The following QRICH2 variants were observed in gnomAD, a reference collection of about 807,000 sequenced individuals.
The protein encoded by QRICH2 is glutamine rich 2, also known as glutamine-rich protein 2.
A neutral mutation model predicts 168.3 loss-of-function variants in QRICH2; 119 were observed. The observed-to-expected ratio is 0.71, with a 90% CI of 0.61 to 0.82. The LOEUF (loss-of-function observed/expected upper bound fraction) is 0.82. Ranked by LOEUF, QRICH2 falls within the 40% of genes least tolerant of loss-of-function variation. The pLI, the probability that QRICH2 is intolerant of heterozygous loss-of-function variation, is 0.00. For synonymous variants in QRICH2, 894 were observed against 951.2 expected, an observed-to-expected ratio of 0.94 and a Z score of 1.11; for missense variants, 2,241 against 2,491.6, an observed-to-expected ratio of 0.90 and a Z score of 2.14.
rs2071018719 is a variant in QRICH2 at position 76,308,026 on chromosome 17, G to A, written c.-28C>T. ...TGGCTGTCAGGAGCTGTGCGCCGCC[G>A]CGGGGCGCCGGCCAACCACTTCCCG... On this transcript the variant is annotated 5_prime_UTR_variant, in exon 1 of 19. Transcript: ENST00000680821. The A allele has an allele frequency of 1.6e-6, 2 of 1,231,750 alleles. No individual in the cohort carries two copies. Among genetic ancestry groups the A allele is most frequent in the Non-Finnish European group, 2.0e-6 (2 of 987,662 alleles). The allele number at this position is 1,231,750 out of a possible 1,614,324, so 76.3% of individuals were successfully genotyped here.
At chr17:76,308,599 G>A (rs2071026291), upstream of QRICH2, 3 of 551,078 alleles carry the variant, frequency 5.4e-6, no homozygotes, top group Non-Finnish European at 6.9e-6. Context: ...GCAGTCCTGG[G>A]GCCCTGGTCC....
At position 76,307,718 on chromosome 17, in the gene QRICH2, G is replaced by A. The variant is rs760068598; in HGVS notation, c.281C>T (p.Ala94Val). The change falls in exon 1 of 19, where the codon GCG (alanine) becomes GTG (valine). Residue 94 changes from alanine to valine, a missense_variant. Ala to Val is a moderately conservative substitution (Grantham distance 64, BLOSUM62 0). Coordinates refer to ENST00000680821, the MANE Select transcript of QRICH2 (RefSeq NM_001388453.1). This position sits in a 1 kb window ranked among gnomAD's most constrained non-coding sequence, Gnocchi z 5.3. ...TTGGCTCTCCAGCGCTGACGAAGGC[G>A]CCTGGCCCACGCCCCTGCGCTTCTC... ...PREKRRGVGQ[A>V]PSSALESQVK... The A allele has an allele frequency of 9.8e-6, 14 of 1,425,070 alleles. No homozygotes were observed. The highest frequency in any genetic ancestry group is 5.9e-5 in the Admixed American group (2 of 33,764). 88.3% of individuals were successfully genotyped at this position (1,425,070 alleles called of 1,614,324 possible). A position where few individuals can be genotyped will look rare whatever the true frequency, so the allele number is the denominator to read the frequency against.
At position 76,275,878 on chromosome 17, in the gene QRICH2, C is replaced by T; in HGVS notation, c.5423G>A (p.Ser1808Asn). ...TGGCCGAGAGGGCAGCTGGCCATTG[C>T]TGCTGAGGGATGGCGGCCTGTGCAC... ...PHVHRPPSLS[S>N]NGQLPSRPQS... Residue 1808 changes from serine (S) to asparagine (N), a missense_variant, in exon 18 of 19, where the codon AGC becomes AAC. Ser to Asn is a conservative substitution (Grantham distance 46, BLOSUM62 1). Coordinates refer to ENST00000680821, the MANE Select transcript of QRICH2 (RefSeq NM_001388453.1). The T allele has an allele frequency of 1.2e-6, 2 of 1,608,806 alleles. No individual in the cohort carries two copies. Among genetic ancestry groups the T allele is most frequent in the East Asian group, 2.2e-5 (1 of 44,872 alleles).
intron 7 of QRICH2, among the ~76,000 whole-genome samples, chr17:76,286,839 C>T (rs1181757184): frequency 7.3e-6 from 1 of 136,998 alleles, no homozygotes; most frequent in African/African-American, 2.8e-5. Context: ...GGCGACACTG[C>T]ACTACAGCCT....
rs1228308388 is a variant in QRICH2 at position 76,293,165 on chromosome 17, TCGA to T, written c.1559_1561del (p.Val520del). ...AAAAGGTAGAACCAGGCCATGTTGA[TCGA>T]CGACAGGCAATGTCAATCCTTGCTG... On this transcript the variant is annotated inframe_deletion, in exon 4 of 19. Coordinates refer to ENST00000680821, the MANE Select transcript of QRICH2 (RefSeq NM_001388453.1). 1 of 1,614,110 alleles carries T rather than the reference TCGA, an allele frequency of 6.2e-7. No homozygotes were observed. Among genetic ancestry groups the T allele is most frequent in the African/African-American group, 1.3e-5 (1 of 74,944 alleles).
intron 18 of QRICH2, among the ~76,000 whole-genome samples, chr17:76,275,430 A>G (rs1444159443): frequency 6.6e-6 from 1 of 152,082 alleles, no homozygotes; most frequent in Non-Finnish European, 1.5e-5. Context: ...AGGCAGAGAG[A>G]GGTTCCTCCA....
rs763511349 is a variant in QRICH2 at position 76,293,929 on chromosome 17, T to C, written c.798A>G (p.Gln266=). 2 of 1,614,130 alleles carry C rather than the reference T, an allele frequency of 1.2e-6. No homozygotes were observed. The highest frequency in any genetic ancestry group is 1.7e-6 in the Non-Finnish European group (2 of 1,180,032). Residue 266 remains glutamine, a synonymous_variant, in exon 4 of 19, where the codon CAA becomes CAG. Coordinates refer to ENST00000680821, the MANE Select transcript of QRICH2 (RefSeq NM_001388453.1). The stretch of plus-strand genomic sequence containing the variant: ...AATCCAGAGCCTGCTCAATACTTGG[T>C]TGCTTGGTAGAGTCTCCGCTTAGAG... ...EGTLSGDSTK[Q]PSIEQALDSA...
intron 7 of QRICH2, among the ~76,000 whole-genome samples, chr17:76,283,945 G>A (rs2070834737): frequency 7.2e-6 from 1 of 138,528 alleles, no homozygotes; most frequent in African/African-American, 3.3e-5. Flanking sequence ...GCAGGTGAAT[G>A]ACCTGAGGTC....
At chr17:76,302,220 G>A (rs2070916597) in intron 3 of QRICH2, among the ~76,000 whole-genome samples, 1 of 151,898 alleles carries the variant, frequency 6.6e-6, no homozygotes, top group African/African-American at 2.4e-5. Context: ...TATAATTCCT[G>A]TCATCCTCAG....
At chr17:76,306,868 TAG>T (rs2070998707) in intron 1 of QRICH2, among the ~76,000 whole-genome samples, 1 of 150,700 alleles carries the variant, frequency 6.6e-6, no homozygotes, top group South Asian at 2.1e-4. Flanking sequence ...GCCTGGGTGA[TAG>T]AGTGAGACTC....
chr17:76,282,037 T>C lies in QRICH2; in HGVS notation c.4090A>G (p.Lys1364Glu). The C allele has an allele frequency of 6.2e-7, 1 of 1,613,666 alleles. No homozygotes were observed. Among genetic ancestry groups the C allele is most frequent in the Non-Finnish European group, 8.5e-7 (1 of 1,179,796 alleles). Residue 1364 changes from lysine (K) to glutamate (E), a missense_variant, in exon 8 of 19, where the codon AAG becomes GAG. This residue lies in a region of QRICH2 where 2,047 missense variants were observed against 2,303.8 expected (regional missense o/e 0.89). Transcript: ENST00000680821. Reference protein sequence around the residue: ...TLLSMSMAPHKAHTLAPGQID... With the variant: ...TLLSMSMAPHEAHTLAPGQID... ...TGGCCAGGAGCCAAGGTGTGGGCCT[T>C]GTGCGGGGCCATGCTCATGGACAGG...
chr17:76,275,693 C>T, intron 18 of QRICH2, 126 bp downstream of exon 18: 1 of 1,247,888 alleles, frequency 8.0e-7, no homozygotes, highest in Non-Finnish European at 1.1e-6. Context: ...TTTCCACACC[C>T]ATCCCCCCCT....
At chr17:76,284,959 A>AT (rs747101379) in intron 7 of QRICH2, among the ~76,000 whole-genome samples, 1,467 of 143,800 alleles carry the variant, frequency 0.01, 48 homozygotes, top group Admixed American at 0.063. Context: ...AGTGGCTATA[A>AT]TTTTTTTTTT....
chr17:76,293,484 G>C lies in QRICH2; in HGVS notation c.1243C>G (p.Leu415Val), dbSNP rs200639848. The change falls in exon 4 of 19, where the codon CTC (leucine) becomes GTC (valine). Residue 415 changes from leucine (L) to valine (V), a missense_variant. Around this residue, in one of 3 missense-constraint regions of QRICH2, gnomAD observed 2,047 missense variants for 2,303.8 expected, o/e 0.89. Transcript: ENST00000680821. ...GGCACACCAAGCTGACCCATGCTGAGGGGTACCACACCATGTGGGTAAGTG... is the reference window on the plus strand; with the variant it reads ...GGCACACCAAGCTGACCCATGCTGACGGGTACCACACCATGTGGGTAAGTG... ...ASTYPHGVVP[L>V]SMGQLGVPPP... 6.8e-5 allele frequency: 109 copies of C among 1,614,080 alleles called. No homozygotes were observed. The South Asian group carries it at 1.2e-3, about 17-fold the overall frequency.
intron 5 of QRICH2, 135 bp from the exon 6 acceptor site, chr17:76,288,032 CTTGTGGACATCCATCCGCCCA>C (rs1196708764): frequency 6.0e-6 from 4 of 670,510 alleles, no homozygotes; most frequent in Non-Finnish European, 1.1e-5. Flanking sequence ...GCCAGGAGCC[CTTGTGGACATCCATCCGCCCA>C]TTCATCCATC....
At chr17:76,296,747 C>T (rs1269526488) in intron 3 of QRICH2, among the ~76,000 whole-genome samples, 3 of 143,254 alleles carry the variant, frequency 2.1e-5, no homozygotes, top group Admixed American at 7.4e-5. Context: ...CACTGCACTC[C>T]GGCCTGGGCA....
At chr17:76,287,414 A>G in intron 6 of QRICH2, 108 bp from the exon 7 acceptor site, 1 of 763,522 alleles carries the variant, frequency 1.3e-6, no homozygotes, top group Admixed American at 2.0e-5. Context: ...GAGGTCTCTC[A>G]CCCTCCACCC....
Position 76,281,723 on chromosome 17 carries a change from G to A in QRICH2, c.4263+141C>T. On this transcript the variant is annotated intron_variant, in intron 8 of 18. Transcript: ENST00000680821. This position sits in a 1 kb window ranked among gnomAD's most constrained non-coding sequence, Gnocchi z 4.4. ...GCAGAAAGACCAGGGACTCTTGTGG[G>A]ATCTGGCTAAAGGGCTCCGCCACGG... is the stretch of plus-strand genomic sequence containing the variant. 1.0e-6 allele frequency: 1 copy of A among 996,318 alleles called. No homozygotes were observed. The highest frequency in any genetic ancestry group is 1.5e-6 in the Non-Finnish European group (1 of 672,712). 61.7% of individuals were successfully genotyped at this position (996,318 alleles called of 1,614,324 possible). A position where few individuals can be genotyped will look rare whatever the true frequency, so the allele number is the denominator to read the frequency against.
At chr17:76,299,832 CT>C (rs869026724) in intron 3 of QRICH2, among the ~76,000 whole-genome samples, 137 of 144,478 alleles carry the variant, frequency 9.5e-4, no homozygotes, top group Middle Eastern at 3.5e-3. Context: ...AAAGCCAAAC[CT>C]TTTTTTTTTT....
Sources: allele counts gnomAD v4.1 joint callset (sites outside exome capture counted in the v4.1 genomes callset), GRCh38; gene constraint gnomAD v4.1.1; regional missense constraint gnomAD v4.1.1; non-coding constraint Gnocchi (gnomAD v3.1); transcripts MANE v1.5; gene names NCBI Gene and HGNC (gene_info 2026-07-23, HGNC 2026-07-21).